The following CADM2 variants were observed in gnomAD, a reference collection of about 807,000 sequenced individuals.
The protein encoded by CADM2 is immunoglobulin superfamily member 4D.
Under a neutral mutation model 49.8 loss-of-function variants are expected in CADM2, and 12 were observed. The observed-to-expected ratio is 0.24, with a 90% CI of 0.15 to 0.39. The LOEUF is 0.39. Ranked by LOEUF, CADM2 falls within the 10% of genes least tolerant of loss-of-function variation. The pLI is 1.00. For synonymous variants in CADM2, 214 were observed against 175.4 expected, an observed-to-expected ratio of 1.22 and a Z score of -1.74; for missense variants, 378 against 492.3, an observed-to-expected ratio of 0.77 and a Z score of 2.20.
chr3:85,123,564 A>G (rs998595984), intron 1 of CADM2, among the ~76,000 whole-genome samples: 2 of 152,140 alleles, frequency 1.3e-5, no homozygotes, highest in Admixed American at 1.3e-4. Flanking sequence ...TTAGACATTT[A>G]TTTAAGTGGA....
chr3:85,725,028 C>A (rs747322272), intron 1 of CADM2, among the ~76,000 whole-genome samples: 4 of 151,688 alleles, frequency 2.6e-5, no homozygotes, highest in Non-Finnish European at 5.9e-5. Context: ...TAAAAAAAAT[C>A]TTCACAATAA....
In CADM2 at chr3:85,369,032, A is replaced by G. The variant is rs552337549; in HGVS notation, c.62-357490A>G. The stretch of plus-strand genomic sequence containing the variant: ...TATAGAAATAGCATTTCCAGAAGTG[A>G]TTTCTTTCTTCTTATGTCTTCCTTC... On this transcript the variant is annotated intron_variant, in intron 1 of 9. Transcript: ENST00000383699. 3.3e-4 allele frequency among the ~76,000 whole-genome samples: 51 copies of G among 152,278 alleles called. No individual in the cohort carries two copies. The South Asian group carries it at 4.8e-3, about 14-fold the overall frequency.
intron 1 of CADM2, among the ~76,000 whole-genome samples, chr3:85,005,809 G>A (rs2033689735): frequency 6.6e-6 from 1 of 151,942 alleles, no homozygotes; most frequent in Non-Finnish European, 1.5e-5. Context: ...ATGGAATTGT[G>A]TGTGTTGTAT....
chr3:86,021,263 G>A (rs1429132868), intron 8 of CADM2, among the ~76,000 whole-genome samples: 2 of 152,152 alleles, frequency 1.3e-5, no homozygotes, highest in Non-Finnish European at 2.9e-5. Flanking sequence ...GCCTCCCAAA[G>A]TGCTGGGATT....
Position 85,165,124 on chromosome 3 carries a change from AT to A in CADM2, c.61+205457del, listed in dbSNP as rs11321663. On this transcript the variant is annotated intron_variant, in intron 1 of 9. Transcript: ENST00000383699. ...TTTTTGGTATTAAATATAATTAATC[AT>A]GACTGTAATAAGCTATGTCACCAAT... Among the ~76,000 whole-genome samples the A allele has an allele frequency of 6.9e-3, 1,048 of 152,038 alleles. 8 individuals carry two copies. The highest frequency in any genetic ancestry group is 0.023 in the African/African-American group (958 of 41,554).
At chr3:85,731,634 G>T (rs536229967) in intron 2 of CADM2, among the ~76,000 whole-genome samples, 1 of 152,000 alleles carries the variant, frequency 6.6e-6, no homozygotes, top group Non-Finnish European at 1.5e-5. Context: ...CTTCATAATG[G>T]CATTCATATG....
intron 1 of CADM2, among the ~76,000 whole-genome samples, chr3:85,356,949 C>T (rs2031911825): frequency 6.6e-6 from 1 of 152,116 alleles, no homozygotes; most frequent in African/African-American, 2.4e-5. Context: ...TGACCTTCCA[C>T]TCACTGCTGG....
At chr3:85,701,067 G>A (rs1320784330) in intron 1 of CADM2, among the ~76,000 whole-genome samples, 1 of 152,172 alleles carries the variant, frequency 6.6e-6, no homozygotes, top group Non-Finnish European at 1.5e-5. Flanking sequence ...TATACAGGAA[G>A]TGGCTTCTAC....
chr3:85,587,837 A>G (rs759698162), intron 1 of CADM2, among the ~76,000 whole-genome samples: 2 of 151,854 alleles, frequency 1.3e-5, no homozygotes, highest in East Asian at 3.9e-4. Flanking sequence ...CTCAACCCCC[A>G]GTACTCAAGC....
At chr3:85,760,265 G>C (rs2069309509) in intron 2 of CADM2, among the ~76,000 whole-genome samples, 1 of 151,788 alleles carries the variant, frequency 6.6e-6, no homozygotes, top group Non-Finnish European at 1.5e-5. Context: ...CTGTTAAAGA[G>C]ATTTGCAGGC....
At chr3:85,391,683 G>A (rs2034525739) in intron 1 of CADM2, among the ~76,000 whole-genome samples, 1 of 152,064 alleles carries the variant, frequency 6.6e-6, no homozygotes, top group African/African-American at 2.4e-5. Context: ...GTACCAGCAG[G>A]GGAGCATAAC....
In CADM2 at chr3:85,771,619, G is replaced by A. The variant is rs140725686; in HGVS notation, c.89-30428G>A. Among the ~76,000 whole-genome samples the A allele has an allele frequency of 3.9e-5, 6 of 152,122 alleles. No individual in the cohort carries two copies. In the East Asian group the frequency reaches 1.2e-3, roughly 29 times the overall value. ...ATACTAGAAAAATGTATCCATAGAA[G>A]CCGCTAGGTAGGAATGAACAAAGGA... On this transcript the variant is annotated intron_variant, in intron 2 of 9. Transcript: ENST00000383699.
chr3:85,712,270 C>T (rs1433786814), intron 1 of CADM2, among the ~76,000 whole-genome samples: 1 of 152,144 alleles, frequency 6.6e-6, no homozygotes, highest in African/African-American at 2.4e-5. Flanking sequence ...AGATGAAAGA[C>T]AGTTCATGAC....
intron 1 of CADM2, among the ~76,000 whole-genome samples, chr3:85,004,957 T>G (rs2033652172): frequency 1.3e-5 from 2 of 152,132 alleles, no homozygotes; most frequent in Admixed American, 1.3e-4. Context: ...ACATCCAAGT[T>G]GCAATAACTA....
At chr3:85,561,895 G>T (rs1379164756) in intron 1 of CADM2, among the ~76,000 whole-genome samples, 2 of 152,082 alleles carry the variant, frequency 1.3e-5, no homozygotes, top group South Asian at 2.1e-4. Flanking sequence ...TAGAGAAGTG[G>T]CACTTTTCGA....
intron 1 of CADM2, among the ~76,000 whole-genome samples, chr3:85,642,807 G>T (rs1482800523): frequency 6.6e-6 from 1 of 152,166 alleles, no homozygotes; most frequent in Non-Finnish European, 1.5e-5. Flanking sequence ...AGCAGAAAAT[G>T]ACAAAGACAG....
At chr3:85,173,633 C>T (rs917943645) in intron 1 of CADM2, among the ~76,000 whole-genome samples, 1 of 152,186 alleles carries the variant, frequency 6.6e-6, no homozygotes, top group South Asian at 2.1e-4. Flanking sequence ...GACAGGAAGA[C>T]ATTTTGAAAG....
chr3:85,375,624 G>C (rs2033550041), intron 1 of CADM2, among the ~76,000 whole-genome samples: 1 of 152,078 alleles, frequency 6.6e-6, no homozygotes, highest in African/African-American at 2.4e-5. Flanking sequence ...TGAAAGAACA[G>C]AAAACAAAAC....
At chr3:85,642,583 AT>A in intron 1 of CADM2, among the ~76,000 whole-genome samples, 1 of 152,272 alleles carries the variant, frequency 6.6e-6, no homozygotes, top group East Asian at 1.9e-4. Context: ...TGATGATAAA[AT>A]TTTTAGGAAA....
Sources: allele counts gnomAD v4.1 joint callset (sites outside exome capture counted in the v4.1 genomes callset), GRCh38; gene constraint gnomAD v4.1.1; transcripts MANE v1.5; gene names NCBI Gene and HGNC (gene_info 2026-07-23, HGNC 2026-07-21).